The following ZNF431 variants were observed in gnomAD, a reference collection of about 807,000 sequenced individuals.
The protein encoded by ZNF431 is zinc finger protein 431.
ZNF431 carries 34 observed loss-of-function variants against 57.0 expected under a neutral mutation model. The observed-to-expected ratio is 0.60, with a 90% CI of 0.45 to 0.79. The LOEUF (loss-of-function observed/expected upper bound fraction) is 0.79. Among genes scored for constraint, ZNF431 ranks in the 30% least tolerant of loss-of-function variants. The pLI is 0.00. For missense variants in ZNF431, 607 were observed against 667.1 expected, an observed-to-expected ratio of 0.91 and a Z score of 0.99; for synonymous variants, 207 against 220.3, an observed-to-expected ratio of 0.94 and a Z score of 0.54.
In ZNF431 at chr19:21,195,601, CT is replaced by C. The variant is rs1971592053; in HGVS notation, c.*11573del. The C allele has an allele frequency of 6.6e-6, 1 of 152,110 alleles. No individual in the cohort carries two copies. Among genetic ancestry groups the C allele is most frequent in the East Asian group, 1.9e-4 (1 of 5,192 alleles). The allele number at this position is 152,110 out of a possible 1,614,324, so 9.4% of individuals were successfully genotyped here. A position where few individuals can be genotyped will look rare whatever the true frequency, so the allele number is the denominator to read the frequency against. On this transcript the variant is annotated 3_prime_UTR_variant, in exon 5 of 5. Transcript: ENST00000311048. Reference sequence around the variant, plus strand: ...GATGTATATACCTGGTATAAACAATCTTTTTTGCATATTGAATTCTGCATTT... The same window carrying C: ...GATGTATATACCTGGTATAAACAATCTTTTTGCATATTGAATTCTGCATTT...
rs1167603997 is a variant in ZNF431 at position 21,195,799 on chromosome 19, T to A, written c.*11765T>A. On this transcript the variant is annotated 3_prime_UTR_variant, in exon 5 of 5. Coordinates refer to ENST00000311048, the MANE Select transcript of ZNF431 (RefSeq NM_133473.4). ...TTAAATATTTTATTGCAGTGTAAAG[T>A]TTAATATTTAGATGTGTGATACATC... is the stretch of plus-strand genomic sequence containing the variant. 1 of 152,194 alleles carries A rather than the reference T, an allele frequency of 6.6e-6. No homozygotes were observed. Among genetic ancestry groups the A allele is most frequent in the Non-Finnish European group, 1.5e-5 (1 of 68,040 alleles). 9.4% of individuals were successfully genotyped at this position (152,194 alleles called of 1,614,324 possible).
intron 4 of ZNF431, among the ~76,000 whole-genome samples, chr19:21,180,233 T>G (rs2145042657): frequency 6.6e-6 from 1 of 152,326 alleles, no homozygotes; most frequent in East Asian, 1.9e-4. Flanking sequence ...TGCTAGCTGC[T>G]TATTTTGCAG....
At chr19:21,150,743 C>T (rs1384265015) in intron 2 of ZNF431, among the ~76,000 whole-genome samples, 1 of 152,094 alleles carries the variant, frequency 6.6e-6, no homozygotes, top group East Asian at 1.9e-4. Context: ...TGAGTATTTC[C>T]CCATAATTGC....
rs181565781 is a variant in ZNF431 at position 21,149,007 on chromosome 19, C to T, written c.96+5364C>T. Among the ~76,000 whole-genome samples, 713 of 152,300 alleles carry T rather than the reference C, an allele frequency of 4.7e-3. 6 individuals carry two copies. Among genetic ancestry groups the T allele is most frequent in the African/African-American group, 0.016 (663 of 41,576 alleles). On this transcript the variant is annotated intron_variant, in intron 2 of 4. Coordinates refer to ENST00000311048, the MANE Select transcript of ZNF431 (RefSeq NM_133473.4). ...CAACATTTCTTGCATAAATTTCCTT[C>T]AGTGAATTATTTCATGACTTATACA...
chr19:21,155,302 G>C (rs371316041), intron 2 of ZNF431, among the ~76,000 whole-genome samples: 2 of 152,052 alleles, frequency 1.3e-5, no homozygotes, highest in Non-Finnish European at 2.9e-5. Context: ...TCTTGTTTTT[G>C]TCAGGTTTGT....
rs1395531473 is a variant in ZNF431, at chr19:21,191,019, C to T, written c.*6985C>T. ...TACACTTTTGATATTAACCTCTTGT[C>T]ACATGTATAATTTGCAAATTTTTTC... On this transcript the variant is annotated 3_prime_UTR_variant, in exon 5 of 5. Transcript: ENST00000311048. 4 of 152,110 alleles carry T rather than the reference C, an allele frequency of 2.6e-5. No individual in the cohort carries two copies. Among genetic ancestry groups the T allele is most frequent in the African/African-American group, 9.7e-5 (4 of 41,426 alleles). The allele number at this position is 152,110 out of a possible 1,614,324, so 9.4% of individuals were successfully genotyped here. A position where few individuals can be genotyped will look rare whatever the true frequency, so the allele number is the denominator to read the frequency against.
At chr19:21,152,901 G>T (rs1913269342) in intron 2 of ZNF431, among the ~76,000 whole-genome samples, 1 of 152,178 alleles carries the variant, frequency 6.6e-6, no homozygotes, top group Non-Finnish European at 1.5e-5. Context: ...AGGGTTCTTA[G>T]ATCTCGCTCA....
At chr19:21,156,718 A>G (rs996825471) in intron 2 of ZNF431, among the ~76,000 whole-genome samples, 4 of 151,672 alleles carry the variant, frequency 2.6e-5, no homozygotes, top group Non-Finnish European at 5.9e-5. Flanking sequence ...TAATGGCCAC[A>G]TAATCTTCCA....
chr19:21,158,746 T>C (rs766542171), intron 2 of ZNF431, among the ~76,000 whole-genome samples: 21 of 152,344 alleles, frequency 1.4e-4, no homozygotes, highest in South Asian at 2.1e-4. Context: ...TTTGAAGATA[T>C]AGAATCTTGT....
At chr19:21,162,757 A>G in intron 2 of ZNF431, 5 of 985,450 alleles carry the variant, frequency 5.1e-6, no homozygotes, top group Non-Finnish European at 6.0e-6. Context: ...AAAAGCAGGT[A>G]AATGAGAAAA....
intron 2 of ZNF431, among the ~76,000 whole-genome samples, chr19:21,150,845 C>G (rs536491537): frequency 6.6e-6 from 1 of 152,236 alleles, no homozygotes; most frequent in East Asian, 1.9e-4. Context: ...CCCCCAAAGT[C>G]AAAAACATCA....
At chr19:21,142,395 G>A (rs1969966752) in intron 1 of ZNF431, among the ~76,000 whole-genome samples, 1 of 152,184 alleles carries the variant, frequency 6.6e-6, no homozygotes. Flanking sequence ...TCTCTTCACT[G>A]CACAGTGACT....
chr19:21,156,505 C>G (rs778817207), intron 2 of ZNF431, among the ~76,000 whole-genome samples: 5 of 151,922 alleles, frequency 3.3e-5, no homozygotes, highest in Non-Finnish European at 7.4e-5. Flanking sequence ...GTATTTTTTT[C>G]TGATCCTTTT....
Position 21,185,659 on chromosome 19 carries a change from C to G in ZNF431, c.*1625C>G, listed in dbSNP as rs944094383. On this transcript the variant is annotated 3_prime_UTR_variant, in exon 5 of 5. Coordinates refer to ENST00000311048, the MANE Select transcript of ZNF431 (RefSeq NM_133473.4). ...TATTTCTAGTAGAGATGGGGTTTCACCATATTGGCCAAGCTGGTCTTGAAC... is the reference window on the plus strand; with the variant it reads ...TATTTCTAGTAGAGATGGGGTTTCAGCATATTGGCCAAGCTGGTCTTGAAC... 1.3e-5 allele frequency: 2 copies of G among 152,104 alleles called. No individual in the cohort carries two copies. Among genetic ancestry groups the G allele is most frequent in the East Asian group, 3.9e-4 (2 of 5,172 alleles). The allele number at this position is 152,104 out of a possible 1,614,324, so 9.4% of individuals were successfully genotyped here. A position where few individuals can be genotyped will look rare whatever the true frequency, so the allele number is the denominator to read the frequency against.
intron 2 of ZNF431, among the ~76,000 whole-genome samples, chr19:21,162,988 A>G (rs949497569): frequency 1.1e-4 from 17 of 152,016 alleles, no homozygotes; most frequent in African/African-American, 3.9e-4. Context: ...CTTTTATTCT[A>G]TACATTTTAT....
rs545361341 is a variant in ZNF431 at position 21,165,139 on chromosome 19, C to T, written c.97-1196C>T. ...TTCCTATGCACCAGACCCTTCTCTA[C>T]ATCATGGCTTCTTATATGCAATGCA... On this transcript the variant is annotated intron_variant, in intron 2 of 4. Transcript: ENST00000311048. 2.6e-5 allele frequency among the ~76,000 whole-genome samples: 4 copies of T among 151,594 alleles called. No individual in the cohort carries two copies. In the South Asian group the frequency reaches 8.3e-4, roughly 32 times the overall value.
chr19:21,162,765 AAAAT>A (rs1383820881), intron 2 of ZNF431: 1 of 985,260 alleles, frequency 1.0e-6, no homozygotes, highest in African/African-American at 1.7e-5. Context: ...GTAAATGAGA[AAAAT>A]AAACTGTATA....
intron 2 of ZNF431, among the ~76,000 whole-genome samples, chr19:21,148,575 A>G (rs1284453522): frequency 1.3e-5 from 2 of 152,228 alleles, no homozygotes; most frequent in Non-Finnish European, 2.9e-5. Flanking sequence ...TATCTAATCT[A>G]AAACATTCCT....
At chr19:21,175,744 A>C (rs1971030266) in intron 4 of ZNF431, among the ~76,000 whole-genome samples, 1 of 152,204 alleles carries the variant, frequency 6.6e-6, no homozygotes, top group African/African-American at 2.4e-5. Flanking sequence ...GTCTTTGCAA[A>C]GTACATAATC....
Sources: allele counts gnomAD v4.1 joint callset (sites outside exome capture counted in the v4.1 genomes callset), GRCh38; gene constraint gnomAD v4.1.1; transcripts MANE v1.5; gene names NCBI Gene and HGNC (gene_info 2026-07-23, HGNC 2026-07-21).